The following CAPZA2 variants were observed in gnomAD, a reference collection of about 807,000 sequenced individuals.
CAPZA2 encodes F-actin-capping protein subunit alpha-2.
CAPZA2 carries 13 observed loss-of-function variants against 44.0 expected under a neutral mutation model. The observed-to-expected ratio is 0.30, with a 90% CI of 0.19 to 0.47. The LOEUF (loss-of-function observed/expected upper bound fraction) is 0.47, where lower values mean the gene tolerates loss of function less well. CAPZA2 is among the 20% of genes least tolerant of loss of function. CAPZA2 has a pLI of 1.00. For synonymous variants in CAPZA2, 94 were observed against 108.2 expected (o/e 0.87, Z 0.81); for missense variants, 244 against 338.6 (o/e 0.72, Z 2.19).
intron 7 of CAPZA2, among the ~76,000 whole-genome samples, chr7:116,911,494 G>C (rs761563760): frequency 3.3e-5 from 5 of 152,072 alleles, no homozygotes; most frequent in Non-Finnish European, 7.4e-5. Context: ...CATACCTCTA[G>C]TCCTCTCTGA....
At chr7:116,873,149 T>C (rs1447146405) in intron 1 of CAPZA2, among the ~76,000 whole-genome samples, 5 of 152,362 alleles carry the variant, frequency 3.3e-5, no homozygotes, top group Admixed American at 3.3e-4. Flanking sequence ...GATAAAATAC[T>C]GATGCCTCAG....
At chr7:116,879,107 A>G (rs1796656189) in intron 1 of CAPZA2, among the ~76,000 whole-genome samples, 1 of 144,158 alleles carries the variant, frequency 6.9e-6, no homozygotes, top group Admixed American at 7.0e-5. Flanking sequence ...GCCTGGCGAC[A>G]GAGCATAACT....
intron 1 of CAPZA2, among the ~76,000 whole-genome samples, 180 bp downstream of exon 1, chr7:116,862,830 G>A (rs898381285): frequency 1.3e-5 from 2 of 151,960 alleles, no homozygotes; most frequent in Non-Finnish European, 2.9e-5. Flanking sequence ...CCGAGGCCCC[G>A]CGCGGGGGCA....
rs1562959443 is a variant in CAPZA2, at chr7:116,888,133, A to G, written c.46A>G (p.Ile16Val). 3 of 1,610,118 alleles carry G rather than the reference A, an allele frequency of 1.9e-6. No individual in the cohort carries two copies. In the African/African-American group the frequency reaches 4.0e-5, roughly 21 times the overall value. ...ATCTTTCTTTCTGTTTCAGGTGCGT[A>G]TAGCAGCAAAATTCATCATTCATGC... ...EQLSDEEKVRIAAKFIIHAPP... is the reference protein window; with the variant it reads ...EQLSDEEKVRVAAKFIIHAPP... The change falls in exon 2 of 10, where the codon ATA becomes GTA. Residue 16 changes from isoleucine (I) to valine (V), a missense_variant. Physicochemically the swap from Ile to Val is conservative, Grantham distance 29 (BLOSUM62 3). Coordinates refer to ENST00000361183, the MANE Select transcript of CAPZA2 (RefSeq NM_006136.3).
intron 7 of CAPZA2, 48 bp from the exon 8 acceptor site, chr7:116,912,021 T>C (rs752895709): frequency 1.2e-6 from 2 of 1,606,356 alleles, no homozygotes. Context: ...GCAATAAGGT[T>C]CTTGATGATT....
chr7:116,865,638 G>T (rs1796473589), intron 1 of CAPZA2, among the ~76,000 whole-genome samples: 1 of 152,156 alleles, frequency 6.6e-6, no homozygotes, highest in South Asian at 2.1e-4. Context: ...GAGTGCAGTG[G>T]TGATCATGGC....
chr7:116,868,838 G>A (rs911322866), intron 1 of CAPZA2, among the ~76,000 whole-genome samples: 2 of 152,340 alleles, frequency 1.3e-5, no homozygotes, highest in Admixed American at 1.3e-4. Context: ...GATAAATTAT[G>A]TTATTTCACC....
At chr7:116,912,917 A>G (rs1039513233) in intron 8 of CAPZA2, among the ~76,000 whole-genome samples, 2 of 152,194 alleles carry the variant, frequency 1.3e-5, no homozygotes, top group African/African-American at 4.8e-5. Context: ...GCAGTGTATA[A>G]GAGTTTCAGT....
intron 3 of CAPZA2, among the ~76,000 whole-genome samples, chr7:116,895,773 A>G (rs1796917325): frequency 6.6e-6 from 1 of 152,104 alleles, no homozygotes; most frequent in South Asian, 2.1e-4. Flanking sequence ...TCTGTGAAGT[A>G]CAGAATATAT....
rs1286324018 is a variant in CAPZA2, at chr7:116,921,939, T to TA, written c.*4072_*4073insA. ...TTCCAGAGTACACTTGGATATATGATTACATTTTAATAAGTTATATAAATA... is the reference window on the plus strand; with the variant it reads ...TTCCAGAGTACACTTGGATATATGATATACATTTTAATAAGTTATATAAATA... On this transcript the variant is annotated 3_prime_UTR_variant, in exon 10 of 10. Transcript: ENST00000361183. 1 of 152,184 alleles carries TA rather than the reference T, an allele frequency of 6.6e-6. No individual in the cohort carries two copies. The highest frequency in any genetic ancestry group is 1.5e-5 in the Non-Finnish European group (1 of 68,034). The allele number at this position is 152,184 out of a possible 1,614,324, so 9.4% of individuals were successfully genotyped here.
At chr7:116,887,364 C>CA (rs1796775668) in intron 1 of CAPZA2, among the ~76,000 whole-genome samples, 2 of 151,404 alleles carry the variant, frequency 1.3e-5, no homozygotes, top group South Asian at 4.2e-4. Flanking sequence ...CCTTCTCTAT[C>CA]AAAAATACAA....
chr7:116,863,968 G>T (rs1796450526), intron 1 of CAPZA2, among the ~76,000 whole-genome samples: 1 of 151,940 alleles, frequency 6.6e-6, no homozygotes, highest in Non-Finnish European at 1.5e-5. Context: ...TTTCTCTTGT[G>T]TTCTTCGGTG....
At chr7:116,883,694 A>G (rs924825951) in intron 1 of CAPZA2, among the ~76,000 whole-genome samples, 2 of 152,204 alleles carry the variant, frequency 1.3e-5, no homozygotes, top group Non-Finnish European at 2.9e-5. Flanking sequence ...AGCAAGGGCA[A>G]ATAAGTTCAT....
chr7:116,863,435 G>A (rs3807999), intron 1 of CAPZA2, among the ~76,000 whole-genome samples: 26,380 of 152,238 alleles, frequency 0.17, 2,730 homozygotes, highest in East Asian at 0.29. Context: ...CTTCCGAAGA[G>A]GGGAAAATGT....
chr7:116,888,356 T>C, intron 2 of CAPZA2, 166 bp downstream of exon 2: 1 of 470,338 alleles, frequency 2.1e-6, no homozygotes, highest in South Asian at 4.3e-5. Context: ...GAATATAATG[T>C]ATTTATTTAT....
intron 1 of CAPZA2, among the ~76,000 whole-genome samples, chr7:116,863,453 C>T (rs1387397014): frequency 2.0e-5 from 3 of 152,232 alleles, no homozygotes; most frequent in Non-Finnish European, 2.9e-5. Context: ...TGTGCAACTC[C>T]TTTTACTGTA....
chr7:116,912,206 T>C, intron 8 of CAPZA2, 66 bp downstream of exon 8: 1 of 1,581,068 alleles, frequency 6.3e-7, no homozygotes. Context: ...AGTTTTGGAA[T>C]GAACATTTTA....
At chr7:116,884,305 G>A (rs1482373717) in intron 1 of CAPZA2, among the ~76,000 whole-genome samples, 1 of 151,980 alleles carries the variant, frequency 6.6e-6, no homozygotes, top group African/African-American at 2.4e-5. Flanking sequence ...CACATGTATA[G>A]ATCAATGTAA....
intron 1 of CAPZA2, chr7:116,879,961 G>A (rs1299688323): frequency 2.7e-6 from 1 of 368,530 alleles, no homozygotes; most frequent in Non-Finnish European, 5.4e-6. Flanking sequence ...TATTTATTCA[G>A]CTAATATTTG....
Sources: gnomAD v4.1 joint callset for allele counts (sites outside exome capture counted in the v4.1 genomes callset) on GRCh38, gnomAD v4.1.1 for gene constraint, MANE v1.5 for transcripts, NCBI Gene and HGNC (gene_info 2026-07-23, HGNC 2026-07-21) for gene names.